Variants in KLRG1 observed in about 807,000 individuals in gnomAD.
KLRG1 encodes the protein killer cell lectin-like receptor subfamily G member 1.
A neutral mutation model predicts 21.8 loss-of-function variants in KLRG1; 16 were observed. The ratio of observed to expected loss-of-function variants is 0.73; its 90% CI spans 0.50 to 1.11. KLRG1 has a LOEUF of 1.11. Among genes scored for constraint, KLRG1 ranks in the 50% most tolerant of loss-of-function variants. The pLI is 0.00. For missense variants in KLRG1, 173 were observed against 218.3 expected, an observed-to-expected ratio of 0.79 and a Z score of 1.31; for synonymous variants, 69 against 75.9, an observed-to-expected ratio of 0.91 and a Z score of 0.47.
the KLRG1 span, among the ~76,000 whole-genome samples, chr12:9,033,400 A>G: frequency 6.6e-6 from 1 of 152,080 alleles, no homozygotes; most frequent in Non-Finnish European, 1.5e-5. Context: ...GGCTACAATC[A>G]TACCACTGCA....
At chr12:9,090,151 A>G in the KLRG1 span, 4 of 1,411,926 alleles carry the variant, frequency 2.8e-6, no homozygotes, top group Non-Finnish European at 3.9e-6. Flanking sequence ...AGGAACGGAA[A>G]CATGCAAATG....
chr12:9,030,117 G>A, the KLRG1 span, among the ~76,000 whole-genome samples: 980 of 152,244 alleles, frequency 6.4e-3, 7 homozygotes, highest in African/African-American at 0.023. Flanking sequence ...AATTTTTGCA[G>A]TTGTGATAAC....
intron 1 of KLRG1, among the ~76,000 whole-genome samples, chr12:8,972,596 A>G (rs781582928): frequency 5.9e-5 from 9 of 152,180 alleles, no homozygotes; most frequent in Admixed American, 1.3e-4. Flanking sequence ...GCTTTTAGCA[A>G]CCTTGTCAAA....
the KLRG1 span, among the ~76,000 whole-genome samples, chr12:9,055,241 C>T: frequency 8.3e-3 from 1,263 of 152,312 alleles, 18 homozygotes; most frequent in African/African-American, 0.029. Context: ...TTCTGCAATA[C>T]GGAGCTTCTA....
At chr12:8,997,948 G>A (rs754766296) in intron 3 of KLRG1, among the ~76,000 whole-genome samples, 4 of 151,858 alleles carry the variant, frequency 2.6e-5, no homozygotes, top group South Asian at 2.1e-4. Context: ...CTCCACGCCC[G>A]ACCTTTATGT....
At chr12:9,161,972 G>C in the KLRG1 span, among the ~76,000 whole-genome samples, 1 of 151,854 alleles carries the variant, frequency 6.6e-6, no homozygotes, top group African/African-American at 2.4e-5. Flanking sequence ...TTGTTTGCTT[G>C]TTTGTTTTTT....
chr12:9,138,744 A>G, the KLRG1 span, among the ~76,000 whole-genome samples: 1 of 152,080 alleles, frequency 6.6e-6, no homozygotes, highest in African/African-American at 2.4e-5. Context: ...TTGGGAATTT[A>G]CACAATTCTT....
chr12:9,125,338 G>A, the KLRG1 span, among the ~76,000 whole-genome samples: 1 of 152,150 alleles, frequency 6.6e-6, no homozygotes, highest in African/African-American at 2.4e-5. Context: ...ACTTGTTCGT[G>A]TACCTCATTC....
chr12:9,044,530 G>A, the KLRG1 span, among the ~76,000 whole-genome samples: 3 of 152,168 alleles, frequency 2.0e-5, no homozygotes, highest in Non-Finnish European at 4.4e-5. Context: ...AGCCAGGCGT[G>A]GTGGCGTGCA....
the KLRG1 span, chr12:9,169,525 C>T: frequency 5.0e-6 from 8 of 1,612,916 alleles, no homozygotes; most frequent in African/African-American, 5.3e-5. Flanking sequence ...TGTCCTTGTT[C>T]TTCCTCCTGC....
the KLRG1 span, among the ~76,000 whole-genome samples, chr12:9,015,935 A>T: frequency 1.3e-5 from 2 of 152,218 alleles, no homozygotes; most frequent in African/African-American, 4.8e-5. Flanking sequence ...GAAATTAAGA[A>T]GGAAGTTAAA....
At chr12:9,197,744 TAC>T in the KLRG1 span, among the ~76,000 whole-genome samples, 14 of 88,486 alleles carry the variant, frequency 1.6e-4, no homozygotes, top group Non-Finnish European at 2.7e-4. Flanking sequence ...TATTATACAA[TAC>T]ATAATATATA....
chr12:9,182,110 G>A, the KLRG1 span: 18 of 1,612,944 alleles, frequency 1.1e-5, no homozygotes, highest in Non-Finnish European at 1.4e-5. Flanking sequence ...AGGCAAAACT[G>A]CCTTTCACTG....
At chr12:9,077,949 C>T in the KLRG1 span, 1 of 1,484,804 alleles carries the variant, frequency 6.7e-7, no homozygotes, top group Non-Finnish European at 9.3e-7. Flanking sequence ...TGTGAGTTAG[C>T]TAACAAAATT....
the KLRG1 span, among the ~76,000 whole-genome samples, chr12:9,153,984 G>A: frequency 2.4e-4 from 37 of 152,308 alleles, no homozygotes; most frequent in East Asian, 5.8e-3. Flanking sequence ...AAAGTAAGAA[G>A]AGCACTCTCA....
chr12:9,156,621 G>T, the KLRG1 span, among the ~76,000 whole-genome samples: 1 of 152,122 alleles, frequency 6.6e-6, no homozygotes, highest in Non-Finnish European at 1.5e-5. Context: ...CTATTATATT[G>T]GTTTTAGCAA....
At chr12:9,070,110 GT>G in the KLRG1 span, among the ~76,000 whole-genome samples, 2 of 152,076 alleles carry the variant, frequency 1.3e-5, no homozygotes, top group South Asian at 4.1e-4. Flanking sequence ...TTCATAAGGA[GT>G]TTTTTTCCTG....
At chr12:9,200,551 T>A in the KLRG1 span, 1 of 893,664 alleles carries the variant, frequency 1.1e-6, no homozygotes, top group South Asian at 1.7e-5. Flanking sequence ...ACACTCTGAA[T>A]GTTAGATTTA....
the KLRG1 span, among the ~76,000 whole-genome samples, chr12:9,134,135 C>G: frequency 6.6e-6 from 1 of 152,162 alleles, no homozygotes; most frequent in Admixed American, 6.5e-5. Flanking sequence ...CCTGGTTAGA[C>G]TTTGCCTGTC....
Sources: gnomAD v4.1 joint callset for allele counts (sites outside exome capture counted in the v4.1 genomes callset) on GRCh38, gnomAD v4.1.1 for gene constraint, MANE v1.5 for transcripts, NCBI Gene and HGNC (gene_info 2026-07-23, HGNC 2026-07-21) for gene names.